GATD1: variants seen among roughly 807,000 people sequenced by gnomAD.
The protein encoded by GATD1 is glutamine amidotransferase class 1 domain containing 1, also known as glutamine amidotransferase-like class 1 domain-containing protein 1.
GATD1 carries 23 observed loss-of-function variants against 25.9 expected under a neutral mutation model. That is an observed-to-expected ratio of 0.89 (90% CI 0.64 to 1.26). The LOEUF is 1.26. Ranked by LOEUF, GATD1 falls within the 50% of genes most tolerant of loss-of-function variation. The pLI is 0.00. For synonymous variants in GATD1, 177 were observed against 134.6 expected (o/e 1.31, Z -2.18); for missense variants, 347 against 312.5 (o/e 1.11, Z -0.83).
In GATD1 at chr11:768,052, T is replaced by C. The variant is rs1863155608; in HGVS notation, c.*2845A>G. The stretch of plus-strand genomic sequence containing the variant: ...TTTTAGTAGAGACGGGGTTTCACCA[T>C]CTTGGCCAGGCTGGTCTCGAACTCC... On this transcript the variant is annotated 3_prime_UTR_variant, in exon 8 of 8. Transcript: ENST00000319863. 6.8e-6 allele frequency: 1 copy of C among 147,346 alleles called. No homozygotes were observed. The highest frequency in any genetic ancestry group is 1.5e-5 in the Non-Finnish European group (1 of 66,908). The allele number at this position is 147,346 out of a possible 1,614,324, so 9.1% of individuals were successfully genotyped here.
Position 769,742 on chromosome 11 carries a change from TG to T in GATD1, c.*1154del. The T allele has an allele frequency of 5.0e-6, 1 of 199,200 alleles. No homozygotes were observed. The allele number at this position is 199,200 out of a possible 1,614,324, so 12.3% of individuals were successfully genotyped here. On this transcript the variant is annotated 3_prime_UTR_variant, in exon 8 of 8. Transcript: ENST00000319863. ...CTCCTGCCTCAGCCTCCCAAGTAGC[TG>T]GGACTACACACACCCACCACCATGC...
chr11:769,218 A>C lies in GATD1; in HGVS notation c.*1679T>G, dbSNP rs945546679. ...CCAGTGCTAAGTGGGCATCCTGACT[A>C]ATCTGCGAGGCACTGGAGGGACGCA... On this transcript the variant is annotated 3_prime_UTR_variant, in exon 8 of 8. Transcript: ENST00000319863. 3 of 985,388 alleles carry C rather than the reference A, an allele frequency of 3.0e-6. No individual in the cohort carries two copies. The highest frequency in any genetic ancestry group is 1.1e-4 in the East Asian group (1 of 8,838). 61.0% of individuals were successfully genotyped at this position (985,388 alleles called of 1,614,324 possible).
rs1565002875 is a variant in GATD1 at position 769,980 on chromosome 11, G to A, written c.*917C>T. The A allele has an allele frequency of 2.9e-6, 3 of 1,030,502 alleles. No individual in the cohort carries two copies. Among genetic ancestry groups the A allele is most frequent in the Admixed American group, 5.7e-5 (1 of 17,438 alleles). The allele number at this position is 1,030,502 out of a possible 1,614,324, so 63.8% of individuals were successfully genotyped here. ...GGTCACTGGCACCAGGAGCCACGCT[G>A]GTGCTTGGGAACGGCTGTGGCTGAG... On this transcript the variant is annotated 3_prime_UTR_variant, in exon 8 of 8. Transcript: ENST00000319863.
chr11:772,046 C>T (rs535711657), intron 5 of GATD1, among the ~76,000 whole-genome samples: 1 of 152,324 alleles, frequency 6.6e-6, no homozygotes, highest in Non-Finnish European at 1.5e-5. Flanking sequence ...TTGACAAAGG[C>T]TGTGTCTCCG....
At position 772,317 on chromosome 11, in the gene GATD1, G is replaced by C. The variant is rs542543667; in HGVS notation, c.450+110C>G. The C allele has an allele frequency of 6.7e-6, 5 of 743,960 alleles. No individual in the cohort carries two copies. In the South Asian group the frequency reaches 7.3e-5, roughly 11 times the overall value. 46.1% of individuals were successfully genotyped at this position (743,960 alleles called of 1,614,324 possible). A position where few individuals can be genotyped will look rare whatever the true frequency, so the allele number is the denominator to read the frequency against. ...GGGGGAGGACAGAGCAGGGAGCACA[G>C]CGTGCCTCGGCCTCCAGGCACTCAC... On this transcript the variant is annotated intron_variant, in intron 5 of 7. Transcript: ENST00000319863.
At chr11:772,099 G>A (rs1332017135) in intron 5 of GATD1, among the ~76,000 whole-genome samples, 2 of 152,184 alleles carry the variant, frequency 1.3e-5, no homozygotes, top group South Asian at 2.1e-4. Flanking sequence ...GACTGCACAC[G>A]CAAGTCTGAT....
chr11:772,796 G>A lies in GATD1; in HGVS notation c.356-275C>T, dbSNP rs1021141136. Among the ~76,000 whole-genome samples, 3 of 152,332 alleles carry A rather than the reference G, an allele frequency of 2.0e-5. No homozygotes were observed. In the South Asian group the frequency reaches 6.2e-4, roughly 32 times the overall value. Reference sequence around the variant, plus strand: ...TGGCAGCCGAGACACACGCAGAGAGGAGGTCCTGAGGTTCCAGGTCTGTTT... The same window carrying A: ...TGGCAGCCGAGACACACGCAGAGAGAAGGTCCTGAGGTTCCAGGTCTGTTT... On this transcript the variant is annotated intron_variant, in intron 4 of 7. Coordinates refer to ENST00000319863, the MANE Select transcript of GATD1 (RefSeq NM_182612.4).
At position 767,636 on chromosome 11, in the gene GATD1, C is replaced by G. The variant is rs1028172371; in HGVS notation, c.*3261G>C. 73 of 1,314,686 alleles carry G rather than the reference C, an allele frequency of 5.6e-5. No homozygotes were observed. Among genetic ancestry groups the G allele is most frequent in the Middle Eastern group, 5.8e-4 (2 of 3,434 alleles). The allele number at this position is 1,314,686 out of a possible 1,614,324, so 81.4% of individuals were successfully genotyped here. ...CCTGCTGTGGCCTGAGCACGTCCCC[C>G]CAAAACCCACCTGCTTAAGTCCTCA... On this transcript the variant is annotated 3_prime_UTR_variant, in exon 8 of 8. Transcript: ENST00000319863.
At chr11:777,349 GC>G (rs1319765884) in intron 1 of GATD1, 49 bp downstream of exon 1, 4 of 1,247,090 alleles carry the variant, frequency 3.2e-6, no homozygotes, top group Non-Finnish European at 4.0e-6. Flanking sequence ...GCCCCGGGCA[GC>G]CCCCTCGCGG....
chr11:771,595 A>T, intron 5 of GATD1, 169 bp from the exon 6 acceptor site: 1 of 1,387,736 alleles, frequency 7.2e-7, no homozygotes, highest in South Asian at 1.7e-5. Flanking sequence ...AGAGATGACA[A>T]AGTCTAGCCA....
intron 1 of GATD1, among the ~76,000 whole-genome samples, chr11:775,976 CTTTTTTT>C (rs71022972): frequency 9.0e-4 from 65 of 72,280 alleles, no homozygotes; most frequent in Middle Eastern, 0.017. Context: ...TATCTTCATT[CTTTTTTT>C]TTTTTTTTTT....
In GATD1 at chr11:770,575, G is replaced by A. The variant is rs956235967; in HGVS notation, c.*322C>T. ...TCTGTCTAGTCAACAGTGACCACAC[G>A]TGACAACCAGTCCTCCCTAGAAAAC... is the stretch of plus-strand genomic sequence containing the variant. On this transcript the variant is annotated 3_prime_UTR_variant, in exon 8 of 8. Transcript: ENST00000319863. The A allele has an allele frequency of 6.4e-6, 9 of 1,412,912 alleles. No individual in the cohort carries two copies. In the Admixed American group the frequency reaches 8.7e-5, roughly 14 times the overall value. 87.5% of individuals were successfully genotyped at this position (1,412,912 alleles called of 1,614,324 possible).
At position 771,673 on chromosome 11, in the gene GATD1, C is replaced by G. The variant is rs535298221; in HGVS notation, c.451-247G>C. Reference sequence around the variant, plus strand: ...GAGGACGGGCCAGCTCCCCCAGCACCGGAGCACACAGGTGACTAGAATGAG... The same window carrying G: ...GAGGACGGGCCAGCTCCCCCAGCACGGGAGCACACAGGTGACTAGAATGAG... On this transcript the variant is annotated intron_variant, in intron 5 of 7. Coordinates refer to ENST00000319863, the MANE Select transcript of GATD1 (RefSeq NM_182612.4). Among the ~76,000 whole-genome samples the G allele has an allele frequency of 2.0e-5, 3 of 152,286 alleles. No individual in the cohort carries two copies. The East Asian group carries it at 5.8e-4, about 29-fold the overall frequency.
intron 1 of GATD1, 134 bp from the exon 2 acceptor site, chr11:775,276 A>C (rs1445715935): frequency 1.6e-5 from 10 of 639,670 alleles, no homozygotes; most frequent in Non-Finnish European, 2.6e-5. Context: ...ACACCCAAGA[A>C]CGACTACTTG....
chr11:771,591 G>T, intron 5 of GATD1, 165 bp from the exon 6 acceptor site: 2 of 1,394,384 alleles, frequency 1.4e-6, no homozygotes, highest in South Asian at 3.4e-5. Context: ...GCGGAGAGAT[G>T]ACAAAGTCTA....
chr11:777,471 C>A lies in GATD1; in HGVS notation c.-9G>T, dbSNP rs1041647703. 8.1e-7 allele frequency: 1 copy of A among 1,232,640 alleles called. No individual in the cohort carries two copies. The highest frequency in any genetic ancestry group is 1.0e-6 in the Non-Finnish European group (1 of 985,618). The allele number at this position is 1,232,640 out of a possible 1,614,324, so 76.4% of individuals were successfully genotyped here. On this transcript the variant is annotated 5_prime_UTR_variant, in exon 1 of 8. Coordinates refer to ENST00000319863, the MANE Select transcript of GATD1 (RefSeq NM_182612.4). Reference sequence around the variant, plus strand: ...AGCCGCTCGGACGCCATGGCTCGGGCTCGGCGCTGGGTCTGCGCGTGCGCG... The same window carrying A: ...AGCCGCTCGGACGCCATGGCTCGGGATCGGCGCTGGGTCTGCGCGTGCGCG...
At chr11:776,374 T>TC (rs1178567152) in intron 1 of GATD1, among the ~76,000 whole-genome samples, 3 of 152,044 alleles carry the variant, frequency 2.0e-5, no homozygotes, top group Non-Finnish European at 2.9e-5. Flanking sequence ...CAGGCTCTGT[T>TC]CCCCCAGCTG....
At position 770,845 on chromosome 11, in the gene GATD1, C is replaced by G. The variant is rs1863362923; in HGVS notation, c.*52G>C. On this transcript the variant is annotated 3_prime_UTR_variant, in exon 8 of 8. Coordinates refer to ENST00000319863, the MANE Select transcript of GATD1 (RefSeq NM_182612.4). ...GGGGTCCCTGAAGCCTGAGACGGGG[C>G]TGCCTCTGGAGACACCTGGGCTGTC... 1.3e-6 allele frequency: 2 copies of G among 1,562,848 alleles called. No homozygotes were observed. Among genetic ancestry groups the G allele is most frequent in the South Asian group, 1.2e-5 (1 of 83,260 alleles).
In GATD1 at chr11:770,806, A is replaced by T. The variant is rs557851456; in HGVS notation, c.*91T>A. On this transcript the variant is annotated 3_prime_UTR_variant, in exon 8 of 8. Coordinates refer to ENST00000319863, the MANE Select transcript of GATD1 (RefSeq NM_182612.4). The stretch of plus-strand genomic sequence containing the variant: ...CAGGCTGCCATCCAGGGCCCTTGTC[A>T]GGAGGGAAGAGGCGGGGTCCCTGAA... The T allele has an allele frequency of 9.7e-6, 15 of 1,541,766 alleles. No individual in the cohort carries two copies. The South Asian group carries it at 1.4e-4, about 14-fold the overall frequency.
Sources: allele counts gnomAD v4.1 joint callset (sites outside exome capture counted in the v4.1 genomes callset), GRCh38; gene constraint gnomAD v4.1.1; transcripts MANE v1.5; gene names NCBI Gene and HGNC (gene_info 2026-07-23, HGNC 2026-07-21).